KIF2A: variants seen among roughly 807,000 people sequenced by gnomAD.
KIF2A encodes kinesin family member 2A.
A neutral mutation model predicts 100.2 loss-of-function variants in KIF2A; 22 were observed. That is an observed-to-expected ratio of 0.22 (90% CI 0.16 to 0.31). KIF2A has a LOEUF of 0.31. KIF2A is among the 10% of genes least tolerant of loss of function. The pLI is 1.00. For missense variants in KIF2A, 495 were observed against 898.7 expected, an observed-to-expected ratio of 0.55 and a Z score of 5.74; for synonymous variants, 268 against 285.9, an observed-to-expected ratio of 0.94 and a Z score of 0.63.
chr5:62,331,946 T>C (rs187106279), intron 1 of KIF2A, among the ~76,000 whole-genome samples: 16 of 152,334 alleles, frequency 1.1e-4, no homozygotes, highest in Admixed American at 3.9e-4. Context: ...ATTCTGACTT[T>C]TAAATACTTG....
intron 16 of KIF2A, 51 bp downstream of exon 16, chr5:62,366,532 A>C (rs1741077020): frequency 8.9e-7 from 1 of 1,117,798 alleles, no homozygotes; most frequent in Admixed American, 2.1e-5. Context: ...ACAGCAGTAC[A>C]TAGTATAATT....
chr5:62,371,739 A>G (rs979759306), intron 16 of KIF2A, among the ~76,000 whole-genome samples: 13 of 152,198 alleles, frequency 8.5e-5, no homozygotes, highest in African/African-American at 3.1e-4. Context: ...TATGGGTATG[A>G]AATAGGGTTG....
intron 1 of KIF2A, among the ~76,000 whole-genome samples, chr5:62,341,464 T>C (rs527915431): frequency 1.4e-5 from 2 of 146,340 alleles, no homozygotes; most frequent in Admixed American, 6.9e-5. Context: ...CCATGCCCTG[T>C]TGATTTTTAA....
At chr5:62,379,861 C>T (rs1427574204) in intron 19 of KIF2A, among the ~76,000 whole-genome samples, 1 of 151,998 alleles carries the variant, frequency 6.6e-6, no homozygotes, top group African/African-American at 2.4e-5. Flanking sequence ...CTTTTATGTC[C>T]AAATAGCTCT....
rs1171752457 is a variant in KIF2A, at chr5:62,306,552, AGCCCCGCTGGCCCGCTCG to A, written c.64+23_64+40del. 3 of 1,542,952 alleles carry A rather than the reference AGCCCCGCTGGCCCGCTCG, an allele frequency of 1.9e-6. No homozygotes were observed. Among genetic ancestry groups the A allele is most frequent in the Non-Finnish European group, 2.6e-6 (3 of 1,142,764 alleles). On this transcript the variant is annotated intron_variant, in intron 1 of 20. Coordinates refer to ENST00000407818, the MANE Select transcript of KIF2A (RefSeq NM_001098511.3). ...CGCAGCGATGGTGAGCCGCGCTGCC[AGCCCCGCTGGCCCGCTCG>A]GCCCCGTGTTCGGGTGTGCACGGAG...
chr5:62,373,246 G>A (rs1434761690), intron 17 of KIF2A, among the ~76,000 whole-genome samples: 1 of 151,530 alleles, frequency 6.6e-6, no homozygotes. Flanking sequence ...AAATCTGCAG[G>A]GTTTTTTTGT....
chr5:62,352,821 C>A, intron 5 of KIF2A, 111 bp downstream of exon 5: 1 of 771,394 alleles, frequency 1.3e-6, no homozygotes, highest in Non-Finnish European at 1.9e-6. Flanking sequence ...AGCTTGATTG[C>A]AGATTTCATT....
At chr5:62,382,125 G>T (rs554935585) in intron 20 of KIF2A, among the ~76,000 whole-genome samples, 2 of 152,240 alleles carry the variant, frequency 1.3e-5, no homozygotes, top group African/African-American at 4.8e-5. Flanking sequence ...TTCCTAATTT[G>T]GGGCAGTAAA....
chr5:62,362,582 TATA>T, intron 12 of KIF2A, 41 bp downstream of exon 12: 1 of 867,472 alleles, frequency 1.2e-6, no homozygotes, highest in East Asian at 3.3e-5. Flanking sequence ...TTAAAATATA[TATA>T]TAACATAACA....
chr5:62,376,792 G>A (rs1026756160), intron 18 of KIF2A, among the ~76,000 whole-genome samples: 1 of 152,010 alleles, frequency 6.6e-6, no homozygotes, highest in Non-Finnish European at 1.5e-5. Flanking sequence ...CCTGGAATCA[G>A]AGAAGCTCTG....
At chr5:62,332,637 A>G (rs1021473379) in intron 1 of KIF2A, among the ~76,000 whole-genome samples, 15 of 152,192 alleles carry the variant, frequency 9.9e-5, no homozygotes, top group African/African-American at 3.6e-4. Flanking sequence ...GGACCATATG[A>G]AATTGTCATT....
intron 20 of KIF2A, among the ~76,000 whole-genome samples, chr5:62,383,929 C>T (rs987204962): frequency 3.3e-5 from 5 of 151,904 alleles, no homozygotes; most frequent in Non-Finnish European, 7.4e-5. Flanking sequence ...TTTTTTTAAC[C>T]ACCCAGAGAT....
intron 15 of KIF2A, among the ~76,000 whole-genome samples, chr5:62,366,135 G>A (rs1236598261): frequency 2.0e-5 from 3 of 151,926 alleles, no homozygotes; most frequent in Non-Finnish European, 2.9e-5. Context: ...AAAGTCAGGT[G>A]GAGTGGGGGT....
intron 1 of KIF2A, among the ~76,000 whole-genome samples, chr5:62,321,802 G>A (rs979160810): frequency 3.3e-5 from 5 of 151,542 alleles, no homozygotes; most frequent in Admixed American, 6.6e-5. Context: ...CAAGTGATCC[G>A]CCCACCTTGG....
chr5:62,344,380 A>G, intron 1 of KIF2A, among the ~76,000 whole-genome samples: 1 of 151,988 alleles, frequency 6.6e-6, no homozygotes, highest in East Asian at 1.9e-4. Context: ...CCTACTTTGT[A>G]GGTATATTTG....
At chr5:62,350,203 C>T (rs766961983) in intron 4 of KIF2A, 83 bp downstream of exon 4, 21 of 713,698 alleles carry the variant, frequency 2.9e-5, no homozygotes, top group Admixed American at 2.6e-4. Flanking sequence ...TAAACATTAC[C>T]CTTGATGTTG....
chr5:62,353,509 G>A, intron 6 of KIF2A, 134 bp downstream of exon 6: 2 of 475,654 alleles, frequency 4.2e-6, no homozygotes, highest in Non-Finnish European at 7.6e-6. Flanking sequence ...AATTGATATT[G>A]AGGAATAATA....
At chr5:62,343,343 T>C (rs984630200) in intron 1 of KIF2A, among the ~76,000 whole-genome samples, 2 of 152,210 alleles carry the variant, frequency 1.3e-5, no homozygotes, top group Non-Finnish European at 2.9e-5. Flanking sequence ...AAGGCACCAC[T>C]ATTTACTCAG....
intron 9 of KIF2A, among the ~76,000 whole-genome samples, chr5:62,360,682 G>A (rs1037515936): frequency 8.6e-5 from 13 of 150,868 alleles, no homozygotes; most frequent in African/African-American, 1.2e-4. Flanking sequence ...ACGAGACTTC[G>A]TCTCAAAAAA....
Sources: allele counts gnomAD v4.1 joint callset (sites outside exome capture counted in the v4.1 genomes callset), GRCh38; gene constraint gnomAD v4.1.1; transcripts MANE v1.5; gene names NCBI Gene and HGNC (gene_info 2026-07-23, HGNC 2026-07-21).